GBP2: variants seen among roughly 807,000 people sequenced by gnomAD.
GBP2 encodes guanylate-binding protein 2.
A neutral mutation model predicts 60.8 loss-of-function variants in GBP2; 54 were observed. The observed-to-expected ratio is 0.89, with a 90% CI of 0.71 to 1.11. GBP2 has a LOEUF of 1.11. Ranked by LOEUF, GBP2 falls within the 50% of genes most tolerant of loss-of-function variation. GBP2 has a pLI of 0.00. For synonymous variants in GBP2, 243 were observed against 256.5 expected (o/e 0.95, Z 0.50); for missense variants, 665 against 703.3 (o/e 0.95, Z 0.62).
intron 2 of GBP2, among the ~76,000 whole-genome samples, chr1:89,121,524 T>C (rs554088776): frequency 7.5e-4 from 114 of 152,342 alleles, no homozygotes; most frequent in African/African-American, 2.6e-3. Context: ...GTCATTATTA[T>C]AGAAGTTAAT....
At chr1:89,122,095 A>G (rs1308717852) in intron 1 of GBP2, 112 bp from the exon 2 acceptor site, 4 of 673,670 alleles carry the variant, frequency 5.9e-6, no homozygotes, top group East Asian at 3.0e-5. Flanking sequence ...ATTTTTTCAT[A>G]TACGTTTTTT....
intron 4 of GBP2, 155 bp downstream of exon 4, chr1:89,120,024 G>T (rs1681367645): frequency 1.7e-6 from 1 of 603,696 alleles, no homozygotes; most frequent in African/African-American, 1.9e-5. Flanking sequence ...TTCAGATGGA[G>T]ATTGAGATAG....
intron 4 of GBP2, chr1:89,118,608 A>AAAAC (rs984236212): frequency 5.9e-5 from 9 of 152,188 alleles, no homozygotes; most frequent in Non-Finnish European, 1.2e-4. Context: ...TGTGTATGCC[A>AAAAC]AAACAAACAA....
At chr1:89,108,855 A>G (rs939492715) in intron 10 of GBP2, among the ~76,000 whole-genome samples, 1 of 152,042 alleles carries the variant, frequency 6.6e-6, no homozygotes, top group Non-Finnish European at 1.5e-5. Flanking sequence ...CACCATGGGC[A>G]CTTAACCAGT....
At chr1:89,123,065 ACT>A (rs2100621517) in intron 1 of GBP2, among the ~76,000 whole-genome samples, 1 of 152,244 alleles carries the variant, frequency 6.6e-6, no homozygotes, top group Admixed American at 6.5e-5. Context: ...AGATTAGTTC[ACT>A]GAGAGCTCCT....
chr1:89,109,561 A>G (rs1221436134), intron 10 of GBP2, 116 bp downstream of exon 10: 2 of 751,240 alleles, frequency 2.7e-6, no homozygotes, highest in African/African-American at 3.5e-5. Flanking sequence ...GGGAAGGAAA[A>G]ATGTAGTAGT....
intron 9 of GBP2, 44 bp from the exon 10 acceptor site, chr1:89,109,914 G>A: frequency 6.6e-7 from 1 of 1,523,620 alleles, no homozygotes; most frequent in Non-Finnish European, 9.0e-7. Context: ...ATATTCAATT[G>A]TAGGTGTTCC....
chr1:89,107,709 T>G lies in GBP2; in HGVS notation c.*466A>C, dbSNP rs937890371. ...TGATGCTCTACTGTGCCCCATGGTT[T>G]GTTTGGTCTCATCACATTTTCATCA... On this transcript the variant is annotated 3_prime_UTR_variant, in exon 11 of 11. Transcript: ENST00000370466. Among the ~76,000 whole-genome samples, 2 of 152,228 alleles carry G rather than the reference T, an allele frequency of 1.3e-5. No homozygotes were observed. The highest frequency in any genetic ancestry group is 6.5e-5 in the Admixed American group (1 of 15,282).
At chr1:89,112,074 CATAA>C (rs1457157721) in intron 8 of GBP2, among the ~76,000 whole-genome samples, 1 of 152,140 alleles carries the variant, frequency 6.6e-6, no homozygotes, top group Admixed American at 6.5e-5. Context: ...GTAAGTGCAA[CATAA>C]ATGTTAACTG....
Position 89,124,202 on chromosome 1 carries a change from C to A in GBP2, c.-18+1661G>T, listed in dbSNP as rs527968761. Among the ~76,000 whole-genome samples the A allele has an allele frequency of 3.3e-5, 5 of 152,120 alleles. No homozygotes were observed. The South Asian group carries it at 6.2e-4, about 19-fold the overall frequency. On this transcript the variant is annotated intron_variant, in intron 1 of 10. Transcript: ENST00000370466. ...ATGCTGCAATGAAAACCTCTGCTAA[C>A]CTTGTGAGTGTTTATTTTTATATTG...
Position 89,106,144 on chromosome 1 carries a change from G to A in GBP2, c.*2031C>T, listed in dbSNP as rs1557435648. The A allele has an allele frequency of 1.3e-5, 1 of 79,538 alleles. No homozygotes were observed. The highest frequency in any genetic ancestry group is 2.5e-5 in the Non-Finnish European group (1 of 40,434). 4.9% of individuals were successfully genotyped at this position (79,538 alleles called of 1,614,324 possible). On this transcript the variant is annotated 3_prime_UTR_variant, in exon 11 of 11. Coordinates refer to ENST00000370466, the MANE Select transcript of GBP2 (RefSeq NM_004120.5). Reference sequence around the variant, plus strand: ...AGACATTTAAAAATTTAGGTCAAATGTTATTTTTTTTTTTAGAAAAAGAGA... The same window carrying A: ...AGACATTTAAAAATTTAGGTCAAATATTATTTTTTTTTTTAGAAAAAGAGA...
At chr1:89,116,898 T>G in intron 6 of GBP2, 94 bp downstream of exon 6, 4 of 1,248,998 alleles carry the variant, frequency 3.2e-6, no homozygotes, top group Middle Eastern at 2.0e-4. Flanking sequence ...GACTATGCAT[T>G]TGTCAGAAGT....
rs531325202 is a variant in GBP2 at position 89,114,296 on chromosome 1, C to A, written c.869G>T (p.Arg290Leu). 1.9e-6 allele frequency: 3 copies of A among 1,610,260 alleles called. No individual in the cohort carries two copies. The South Asian group carries it at 3.3e-5, about 18-fold the overall frequency. The change falls in exon 7 of 11, where the codon CGT becomes CTT. Residue 290 changes from arginine (R) to leucine (L), a missense_variant and splice_region_variant. By Grantham distance (102) the Arg-to-Leu change is moderately radical. Transcript: ENST00000370466. The part of the protein sequence containing the change: ...LSGGIPVNGP[R>L]LESLVLTYVN... Reference sequence around the variant, plus strand: ...GTAGGTCAGCACCAGGCTCTCTAGACCTGCAAAAGGGAATTTTTAAAAAAA... The same window carrying A: ...GTAGGTCAGCACCAGGCTCTCTAGAACTGCAAAAGGGAATTTTTAAAAAAA...
intron 3 of GBP2, 137 bp downstream of exon 3, chr1:89,121,003 AAAT>A (rs1300784173): frequency 2.8e-6 from 1 of 362,936 alleles, no homozygotes; most frequent in African/African-American, 2.2e-5. Flanking sequence ...AAATTTTAAG[AAAT>A]AATATATTAA....
chr1:89,112,460 C>A lies in GBP2; in HGVS notation c.1362+12G>T. 6.2e-7 allele frequency: 1 copy of A among 1,610,978 alleles called. No individual in the cohort carries two copies. Among genetic ancestry groups the A allele is most frequent in the Non-Finnish European group, 8.5e-7 (1 of 1,177,254 alleles). On this transcript the variant is annotated intron_variant, in intron 8 of 10. Transcript: ENST00000370466. The stretch of plus-strand genomic sequence containing the variant: ...GCGAGTCCCAAGAAATGGTACCCAC[C>A]GTGTAGTTTACCTGTATCCCCTTCC...
At position 89,117,104 on chromosome 1, in the gene GBP2, C is replaced by A. The variant is rs1681289761; in HGVS notation, c.756G>T (p.Lys252Asn). 1.2e-6 allele frequency: 2 copies of A among 1,614,160 alleles called. No individual in the cohort carries two copies. Among genetic ancestry groups the A allele is most frequent in the African/African-American group, 2.7e-5 (2 of 75,052 alleles). ...TGAAATCAGGGTTCAGCTCTTCCTC[C>A]TTTAGCTGCTCTAGGTGAGCAAGGT... is the stretch of plus-strand genomic sequence containing the variant. ...KKYLAHLEQL[K>N]EEELNPDFIE... The change falls in exon 6 of 11, where the codon AAG becomes AAT. Residue 252 changes from lysine to asparagine, a missense_variant. Physicochemically the swap from Lys to Asn is moderately conservative, Grantham distance 94. Transcript: ENST00000370466.
In GBP2 at chr1:89,107,772, TA is replaced by T. The variant is rs879619173; in HGVS notation, c.*402del. Among the ~76,000 whole-genome samples the T allele has an allele frequency of 2.0e-5, 3 of 152,186 alleles. No homozygotes were observed. Among genetic ancestry groups the T allele is most frequent in the Admixed American group, 1.3e-4 (2 of 15,286 alleles). ...TTCAGCCCTATGCTACGACCATAGT[TA>T]AATCCCTGAATAAGAGTATAGGACT... is the stretch of plus-strand genomic sequence containing the variant. On this transcript the variant is annotated 3_prime_UTR_variant, in exon 11 of 11. Transcript: ENST00000370466.
At chr1:89,124,955 T>C (rs1022652067) in intron 1 of GBP2, among the ~76,000 whole-genome samples, 1 of 152,182 alleles carries the variant, frequency 6.6e-6, no homozygotes, top group East Asian at 1.9e-4. Context: ...CCAGGGCTTG[T>C]TTTTTTCTGA....
At chr1:89,116,229 T>G (rs564715875) in intron 6 of GBP2, among the ~76,000 whole-genome samples, 7 of 152,082 alleles carry the variant, frequency 4.6e-5, no homozygotes, top group Non-Finnish European at 5.9e-5. Flanking sequence ...CCCAGGCTGG[T>G]CTCAAACTCC....
Sources: allele counts gnomAD v4.1 joint callset (sites outside exome capture counted in the v4.1 genomes callset), GRCh38; gene constraint gnomAD v4.1.1; transcripts MANE v1.5; gene names NCBI Gene and HGNC (gene_info 2026-07-23, HGNC 2026-07-21).